The following MAPT variants were observed in gnomAD, a reference collection of about 807,000 sequenced individuals.
The protein encoded by MAPT is microtubule associated protein tau, also known as microtubule-associated protein tau.
A neutral mutation model predicts 67.9 loss-of-function variants in MAPT; 34 were observed. That is an observed-to-expected ratio of 0.50 (90% CI 0.38 to 0.67). The LOEUF (loss-of-function observed/expected upper bound fraction) is 0.67. Ranked by LOEUF, MAPT falls within the 30% of genes least tolerant of loss-of-function variation. MAPT has a pLI of 0.00. For synonymous variants in MAPT, 456 were observed against 464.5 expected, an observed-to-expected ratio of 0.98 and a Z score of 0.23; for missense variants, 881 against 1,115.2, an observed-to-expected ratio of 0.79 and a Z score of 2.99.
chr17:45,921,575 A>AC (rs2065722998), intron 1 of MAPT, among the ~76,000 whole-genome samples: 1 of 152,100 alleles, frequency 6.6e-6, no homozygotes, highest in South Asian at 2.1e-4. Flanking sequence ...CACTGGTGAG[A>AC]CCCCCAAGCC....
intron 1 of MAPT, among the ~76,000 whole-genome samples, chr17:45,925,286 C>T (rs760238886): frequency 4.6e-5 from 7 of 152,230 alleles, no homozygotes; most frequent in African/African-American, 1.7e-4. Context: ...CTGTGCAAGA[C>T]GGTTTGTGAT....
Position 45,995,041 on chromosome 17 carries a change from C to T in MAPT, c.1733-1358C>T, listed in dbSNP as rs2074362629. On this transcript the variant is annotated intron_variant, in intron 8 of 12. Transcript: ENST00000262410. The surrounding 1 kb of genome is among the most constrained non-coding windows in gnomAD (Gnocchi z 4.3). The stretch of plus-strand genomic sequence containing the variant: ...CCAGCCTGGGCATCAGAATAAGACT[C>T]CGTCTCAAAAAAAAAACCACAAAAA... Among the ~76,000 whole-genome samples the T allele has an allele frequency of 6.6e-6, 1 of 151,908 alleles. No individual in the cohort carries two copies. Among genetic ancestry groups the T allele is most frequent in the Non-Finnish European group, 1.5e-5 (1 of 67,964 alleles).
intron 1 of MAPT, among the ~76,000 whole-genome samples, chr17:45,921,845 G>T (rs1230418868): frequency 6.6e-6 from 1 of 152,088 alleles, no homozygotes; most frequent in Non-Finnish European, 1.5e-5. Flanking sequence ...ACGTCTTGGG[G>T]GTATTCTGAC....
rs1189640485 is a variant in MAPT, at chr17:45,983,551, C to CGCCAGAG, written c.973_979dup (p.Glu327GlyfsTer101). The CGCCAGAG allele has an allele frequency of 6.2e-7, 1 of 1,612,954 alleles. No individual in the cohort carries two copies. The highest frequency in any genetic ancestry group is 8.5e-7 in the Non-Finnish European group (1 of 1,179,978). ...AAGATGGGCGGCCTCCCCAGACAGC[C>CGCCAGAG]GCCAGAGAAGCCACCAGCATCCCAG... On this transcript the variant is annotated frameshift_variant, in exon 5 of 13. Coordinates refer to ENST00000262410, the MANE Select transcript of MAPT (RefSeq NM_001377265.1). LOFTEE classifies it high-confidence loss of function.
intron 1 of MAPT, 32 bp from the exon 2 acceptor site, chr17:45,962,289 T>G: frequency 6.3e-7 from 1 of 1,599,944 alleles, no homozygotes; most frequent in African/African-American, 1.3e-5. Context: ...CCAACACTCC[T>G]CAGAACTTAT....
intron 1 of MAPT, among the ~76,000 whole-genome samples, chr17:45,900,654 C>T (rs1463113505): frequency 2.0e-5 from 3 of 152,162 alleles, no homozygotes; most frequent in Admixed American, 2.0e-4. Flanking sequence ...GACACTGTTA[C>T]CCTCCCCCAG....
intron 1 of MAPT, among the ~76,000 whole-genome samples, chr17:45,948,696 C>A (rs903538013): frequency 4.6e-5 from 7 of 152,278 alleles, no homozygotes; most frequent in African/African-American, 1.7e-4. Flanking sequence ...CTGTCTGTTC[C>A]TCAGTTTCCC....
At chr17:45,950,619 T>C (rs2068968017) in intron 1 of MAPT, among the ~76,000 whole-genome samples, 1 of 152,118 alleles carries the variant, frequency 6.6e-6, no homozygotes, top group Non-Finnish European at 1.5e-5. Context: ...AATAAAAAGG[T>C]CCATATTGTC....
chr17:45,904,081 T>TTATATATTTATATATTA (rs1568134733), intron 1 of MAPT, among the ~76,000 whole-genome samples: 4 of 36,006 alleles, frequency 1.1e-4, no homozygotes, highest in Non-Finnish European at 1.6e-4. Flanking sequence ...TATTTATATA[T>TTATATATTTATATATTA]TATATATTTA....
At chr17:45,901,309 A>G (rs2143779207) in intron 1 of MAPT, among the ~76,000 whole-genome samples, 1 of 152,334 alleles carries the variant, frequency 6.6e-6, no homozygotes, top group South Asian at 2.1e-4. Flanking sequence ...GGCTTAGTAC[A>G]TCGGGTTCAG....
Position 45,983,922 on chromosome 17 carries a change from A to C in MAPT, c.1343A>C (p.Gln448Pro), listed in dbSNP as rs765642510. ...PRGKPVSRVP[Q>P]LKARMVSKSK... ...GGGAAGCCCGTCAGCCGGGTCCCTC[A>C]ACTCAAAGGTCTGTGTCTTGAGCTT... The change falls in exon 5 of 13, where the codon CAA (glutamine) becomes CCA (proline). Residue 448 changes from glutamine to proline, a missense_variant. Gln to Pro is a moderately conservative substitution (Grantham distance 76). Coordinates refer to ENST00000262410, the MANE Select transcript of MAPT (RefSeq NM_001377265.1). 21 of 1,564,704 alleles carry C rather than the reference A, an allele frequency of 1.3e-5. No individual in the cohort carries two copies. The African/African-American group carries it at 2.6e-4, about 20-fold the overall frequency.
chr17:45,931,545 G>GT (rs1299358080), intron 1 of MAPT, among the ~76,000 whole-genome samples: 2 of 152,178 alleles, frequency 1.3e-5, no homozygotes, highest in Non-Finnish European at 2.9e-5. Context: ...TTTAAGAAAA[G>GT]TGAGACGTCT....
intron 8 of MAPT, among the ~76,000 whole-genome samples, chr17:45,993,391 G>C (rs1272942945): frequency 6.6e-6 from 1 of 151,804 alleles, no homozygotes; most frequent in Non-Finnish European, 1.5e-5. Context: ...CTTAACATCG[G>C]GCCAGTTGAC....
chr17:45,950,868 G>A (rs1279365413), intron 1 of MAPT, among the ~76,000 whole-genome samples: 2 of 152,036 alleles, frequency 1.3e-5, no homozygotes, highest in East Asian at 3.9e-4. Flanking sequence ...TCACCATGTT[G>A]GCCAGGCTGG....
intron 1 of MAPT, among the ~76,000 whole-genome samples, chr17:45,912,142 A>G (rs1300861852): frequency 6.8e-6 from 1 of 147,502 alleles, no homozygotes; most frequent in Non-Finnish European, 1.5e-5. Context: ...CTGTCTCCTA[A>G]TAAGGTGTGG....
chr17:46,021,246 G>C (rs960336686), intron 12 of MAPT, among the ~76,000 whole-genome samples: 2 of 152,224 alleles, frequency 1.3e-5, no homozygotes, highest in African/African-American at 4.8e-5. Flanking sequence ...CGGGTTGCGC[G>C]ACAGGGATAC....
chr17:46,004,358 G>T (rs181817922), intron 9 of MAPT, among the ~76,000 whole-genome samples: 91 of 152,194 alleles, frequency 6.0e-4, no homozygotes, highest in Non-Finnish European at 2.2e-4. Flanking sequence ...AAACCAAGTG[G>T]ACACACACCC....
intron 9 of MAPT, among the ~76,000 whole-genome samples, chr17:45,997,220 G>C (rs12051901): frequency 6.6e-6 from 1 of 152,068 alleles, no homozygotes; most frequent in South Asian, 2.1e-4. Flanking sequence ...CACAGACTTC[G>C]GGGGCCTGGC....
chr17:45,950,181 A>G (rs541725264), intron 1 of MAPT, among the ~76,000 whole-genome samples: 1 of 152,276 alleles, frequency 6.6e-6, no homozygotes, highest in South Asian at 2.1e-4. Flanking sequence ...CACAGGTTAC[A>G]GTGAGCCTGG....
Sources: gnomAD v4.1 joint callset for allele counts (sites outside exome capture counted in the v4.1 genomes callset) on GRCh38, gnomAD v4.1.1 for gene constraint, Gnocchi (gnomAD v3.1) non-coding constraint, MANE v1.5 for transcripts, NCBI Gene and HGNC (gene_info 2026-07-23, HGNC 2026-07-21) for gene names.